RP1: variants seen among roughly 807,000 people sequenced by gnomAD.
RP1 encodes the protein oxygen-regulated protein 1.
RP1 carries 16 observed loss-of-function variants against 14.8 expected under a neutral mutation model. The observed-to-expected ratio is 1.08, with a 90% CI of 0.73 to 1.65. The LOEUF (loss-of-function observed/expected upper bound fraction) is 1.65, where lower values mean the gene tolerates loss of function less well. Among genes scored for constraint, RP1 ranks in the 40% most tolerant of loss-of-function variants. The pLI is 0.00. For missense variants in RP1, 2,631 were observed against 2,535.0 expected (o/e 1.04, Z -0.81); for synonymous variants, 876 against 883.6 (o/e 0.99, Z 0.15).
intron 25 of RP1, among the ~76,000 whole-genome samples, chr8:54,851,119 C>T (rs2129408045): frequency 6.6e-6 from 1 of 152,122 alleles, no homozygotes; most frequent in Non-Finnish European, 1.5e-5. Context: ...ATGTATTTAA[C>T]CTAATCAATT....
At chr8:54,650,892 C>T (rs965636958) in intron 4 of RP1, among the ~76,000 whole-genome samples, 6 of 151,818 alleles carry the variant, frequency 4.0e-5, no homozygotes, top group Admixed American at 2.0e-4. Context: ...TTGAGTAGGA[C>T]GTTATCTGTG....
chr8:54,845,554 C>T (rs1811899736), intron 25 of RP1, among the ~76,000 whole-genome samples: 1 of 152,164 alleles, frequency 6.6e-6, no homozygotes, highest in Non-Finnish European at 1.5e-5. Flanking sequence ...ACAGAGAGTC[C>T]TGCAGACACA....
intron 12 of RP1, among the ~76,000 whole-genome samples, chr8:54,687,527 T>C (rs979035181): frequency 1.1e-4 from 16 of 152,130 alleles, no homozygotes; most frequent in Non-Finnish European, 8.8e-5. Context: ...GTTCTCATTG[T>C]TCGACTCCCA....
chr8:54,582,790 C>A (rs1476981127), intron 1 of RP1, among the ~76,000 whole-genome samples: 1 of 152,078 alleles, frequency 6.6e-6, no homozygotes, highest in African/African-American at 2.4e-5. Context: ...TCAGTCATGA[C>A]TTGGCTCTCT....
chr8:54,742,820 C>T (rs1563363700), intron 19 of RP1, among the ~76,000 whole-genome samples: 1 of 152,140 alleles, frequency 6.6e-6, no homozygotes, highest in East Asian at 1.9e-4. Flanking sequence ...GATGTGCTTT[C>T]TCTGGGGCCT....
chr8:54,738,910 TG>T, intron 18 of RP1: 1 of 1,350,458 alleles, frequency 7.4e-7, no homozygotes, highest in Non-Finnish European at 9.8e-7. Flanking sequence ...TAAAAAATTC[TG>T]ATAATTTTTT....
upstream of RP1, among the ~76,000 whole-genome samples, chr8:54,614,740 C>T (rs1358085658): frequency 6.6e-6 from 1 of 152,060 alleles, no homozygotes; most frequent in Non-Finnish European, 1.5e-5. Context: ...TAAAAGTGCT[C>T]CAAAAGAAAC....
intron 24 of RP1, among the ~76,000 whole-genome samples, chr8:54,798,775 A>G (rs1215839130): frequency 2.0e-5 from 3 of 152,136 alleles, no homozygotes; most frequent in Non-Finnish European, 4.4e-5. Context: ...AGGAAGAAAA[A>G]GTAAATTATA....
At chr8:54,581,563 T>A (rs1286258465) in intron 1 of RP1, among the ~76,000 whole-genome samples, 2 of 152,204 alleles carry the variant, frequency 1.3e-5, no homozygotes, top group Non-Finnish European at 2.9e-5. Flanking sequence ...TAGTTCTAGA[T>A]CCCTGAGGAA....
At chr8:54,808,437 G>T (rs947451140) in intron 24 of RP1, among the ~76,000 whole-genome samples, 1 of 152,186 alleles carries the variant, frequency 6.6e-6, no homozygotes, top group African/African-American at 2.4e-5. Flanking sequence ...CCACAGATTT[G>T]CCATCAGCCT....
chr8:54,767,691 T>A (rs1217348281), intron 22 of RP1, among the ~76,000 whole-genome samples: 1 of 152,172 alleles, frequency 6.6e-6, no homozygotes, highest in African/African-American at 2.4e-5. Context: ...TGAAGCTGAC[T>A]GTCTTTATTC....
At chr8:54,562,784 C>T (rs750668965) in intron 1 of RP1, among the ~76,000 whole-genome samples, 1 of 152,170 alleles carries the variant, frequency 6.6e-6, no homozygotes, top group Non-Finnish European at 1.5e-5. Context: ...ATTTTTCTAG[C>T]AGGTGCTAGA....
intron 19 of RP1, among the ~76,000 whole-genome samples, chr8:54,749,717 C>A (rs1028218479): frequency 9.2e-5 from 14 of 152,110 alleles, no homozygotes; most frequent in Middle Eastern, 3.4e-3. Context: ...AGAATAGGAG[C>A]CATTTTAGGG....
intron 22 of RP1, among the ~76,000 whole-genome samples, chr8:54,761,480 G>T (rs144074289): frequency 1.3e-5 from 2 of 151,808 alleles, no homozygotes; most frequent in Admixed American, 6.6e-5. Context: ...CAGGCAATCC[G>T]CTCGCCTTAA....
intron 25 of RP1, among the ~76,000 whole-genome samples, chr8:54,850,349 T>G (rs1393784044): frequency 6.6e-6 from 1 of 152,248 alleles, no homozygotes; most frequent in Non-Finnish European, 1.5e-5. Flanking sequence ...TCAAGTATTC[T>G]AGCTAATTTT....
chr8:54,757,947 A>G (rs1358635528), intron 21 of RP1, among the ~76,000 whole-genome samples: 1 of 152,244 alleles, frequency 6.6e-6, no homozygotes, highest in Non-Finnish European at 1.5e-5. Flanking sequence ...TGGACTCCAC[A>G]GGAGGTTTCC....
chr8:54,667,111 T>C (rs1807036190), intron 7 of RP1, among the ~76,000 whole-genome samples: 1 of 152,032 alleles, frequency 6.6e-6, no homozygotes, highest in African/African-American at 2.4e-5. Flanking sequence ...ATGCCACCTT[T>C]TTTTTTACTT....
intron 19 of RP1, among the ~76,000 whole-genome samples, chr8:54,743,533 T>A (rs905380680): frequency 1.3e-5 from 2 of 152,212 alleles, no homozygotes; most frequent in Non-Finnish European, 2.9e-5. Flanking sequence ...CAGCGTGTAC[T>A]TGCAGATTCT....
In RP1 at chr8:54,630,398, A is replaced by G. The variant is rs1174763360; in HGVS notation, c.*45A>G. ...ATTCTTTGTCAATTCATTTTTTCCC[A>G]TGAGATGAAGCACATGTGACGAATA... On this transcript the variant is annotated 3_prime_UTR_variant, in exon 4 of 4. Coordinates refer to ENST00000220676, the MANE Select transcript of RP1 (RefSeq NM_006269.2). 1.9e-6 allele frequency: 3 copies of G among 1,608,280 alleles called. No individual in the cohort carries two copies. The highest frequency in any genetic ancestry group is 1.7e-5 in the Admixed American group (1 of 59,546).
Sources: allele counts gnomAD v4.1 joint callset (sites outside exome capture counted in the v4.1 genomes callset), GRCh38; gene constraint gnomAD v4.1.1; transcripts MANE v1.5; gene names NCBI Gene and HGNC (gene_info 2026-07-23, HGNC 2026-07-21).